The following PSG9 variants were observed in gnomAD, a reference collection of about 807,000 sequenced individuals.
The protein encoded by PSG9 is pregnancy specific beta-1-glycoprotein 9.
PSG9 carries 49 observed loss-of-function variants against 41.9 expected under a neutral mutation model. That is an observed-to-expected ratio of 1.17 (90% CI 0.93 to 1.48). PSG9 has a LOEUF of 1.48. Ranked by LOEUF, PSG9 falls within the 40% of genes most tolerant of loss-of-function variation. The pLI, the probability that PSG9 is intolerant of heterozygous loss-of-function variation, is 0.00. For missense variants in PSG9, 641 were observed against 520.3 expected (o/e 1.23, Z -2.26); for synonymous variants, 263 against 196.8 (o/e 1.34, Z -2.82).
In PSG9 at chr19:43,258,318, C is replaced by T. The variant is rs376168547; in HGVS notation, c.1127G>A (p.Gly376Glu). Reference sequence around the variant, plus strand: ...AATTTGGGGGATAAAGAGCTTTTGTCCTGATTGCTGAAACTTCCCATTAAT... The same window carrying T: ...AATTTGGGGGATAAAGAGCTTTTGTTCTGATTGCTGAAACTTCCCATTAAT... ...WTINGKFQQS[G>E]QKLFIPQITR... Residue 376 changes from glycine (G) to glutamate (E), a missense_variant, in exon 5 of 6, where the codon GGA becomes GAA. Transcript: ENST00000270077. The T allele has an allele frequency of 2.5e-6, 4 of 1,592,760 alleles. No homozygotes were observed. Among genetic ancestry groups the T allele is most frequent in the Non-Finnish European group, 3.4e-6 (4 of 1,174,542 alleles).
intron 1 of PSG9, 80 bp downstream of exon 1, chr19:43,269,288 C>T: frequency 6.2e-7 from 1 of 1,604,166 alleles, no homozygotes; most frequent in Non-Finnish European, 8.5e-7. Flanking sequence ...TTTTATTTTA[C>T]AACCCCATCC....
intron 5 of PSG9, among the ~76,000 whole-genome samples, chr19:43,254,635 A>T (rs1460218251): frequency 1.4e-5 from 2 of 146,584 alleles, no homozygotes; most frequent in Non-Finnish European, 3.0e-5. Flanking sequence ...GGGAAATAAT[A>T]AAGATTAGAG....
chr19:43,263,573 G>A lies in PSG9; in HGVS notation c.431-1435C>T, dbSNP rs534394404. ...TTGTCAGGAGTTTAGACCTCATGTTGTGTTCTGACTCTAGTAACAAAAAAA... is the reference window on the plus strand; with the variant it reads ...TTGTCAGGAGTTTAGACCTCATGTTATGTTCTGACTCTAGTAACAAAAAAA... On this transcript the variant is annotated intron_variant, in intron 2 of 5. Transcript: ENST00000270077. 4.7e-5 allele frequency among the ~76,000 whole-genome samples: 7 copies of A among 148,686 alleles called. No individual in the cohort carries two copies. The East Asian group carries it at 8.0e-4, about 17-fold the overall frequency.
Position 43,253,890 on chromosome 19 carries a change from T to G in PSG9, c.1244-244A>C, listed in dbSNP as rs904168761. Among the ~76,000 whole-genome samples the G allele has an allele frequency of 6.2e-5, 9 of 146,282 alleles. 1 individual carries two copies. Among genetic ancestry groups the G allele is most frequent in the East Asian group, 2.4e-4 (1 of 4,214 alleles). On this transcript the variant is annotated intron_variant, in intron 5 of 5. Transcript: ENST00000270077. The stretch of plus-strand genomic sequence containing the variant: ...TCACAGGAATCAGCTCTGCATAGTG[T>G]TCTGTGGGTTCTCCCATACTACCTT...
rs754881406 is a variant in PSG9, at chr19:43,267,837, T to C, written c.377A>G (p.Lys126Arg). 4 of 1,613,514 alleles carry C rather than the reference T, an allele frequency of 2.5e-6. No homozygotes were observed. The highest frequency in any genetic ancestry group is 3.4e-6 in the Non-Finnish European group (4 of 1,179,708). ...DAGTYTLHII[K>R]RGDETREEIR... ...TTCTTCTCTAGTCTCATCACCTCGC[T>C]TTATGATGTGTAAGGTGTAGGTTCC... is the stretch of plus-strand genomic sequence containing the variant. Residue 126 changes from lysine to arginine, a missense_variant, in exon 2 of 6, where the codon AAG becomes AGG. Transcript: ENST00000270077.
chr19:43,264,719 T>A (rs1476680890), intron 2 of PSG9, among the ~76,000 whole-genome samples: 1 of 152,218 alleles, frequency 6.6e-6, no homozygotes, highest in Non-Finnish European at 1.5e-5. Context: ...CCCAAAGTGC[T>A]GGGATTATAG....
chr19:43,268,079 A>C lies in PSG9; in HGVS notation c.135T>G (p.Val45=), dbSNP rs777799052. ...GTAGAAGAACATCCTTCCCCTCAGA[A>C]ACTTTGGGTGGCTGGGCTTCAATCG... ...EVTIEAQPPK[V]SEGKDVLLLV... is the part of the protein sequence containing the mutation. Residue 45 remains valine, a synonymous_variant, in exon 2 of 6, where the codon GTT becomes GTG. Coordinates refer to ENST00000270077, the MANE Select transcript of PSG9 (RefSeq NM_002784.5). 1 of 1,613,666 alleles carries C rather than the reference A, an allele frequency of 6.2e-7. No individual in the cohort carries two copies.
chr19:43,263,852 G>A (rs1341710287), intron 2 of PSG9, among the ~76,000 whole-genome samples: 1 of 152,086 alleles, frequency 6.6e-6, no homozygotes, highest in Non-Finnish European at 1.5e-5. Flanking sequence ...ATTACATAAA[G>A]GGAGGAAGGA....
chr19:43,257,975 C>G, intron 5 of PSG9: 2 of 1,464,410 alleles, frequency 1.4e-6, no homozygotes, highest in Admixed American at 2.6e-5. Flanking sequence ...GATAAAGCCC[C>G]CTCCCTACCT....
In PSG9 at chr19:43,257,436, T is replaced by A. The variant is rs895207577; in HGVS notation, c.1243+766A>T. 5 of 977,458 alleles carry A rather than the reference T, an allele frequency of 5.1e-6. 2 individuals are homozygous for A. In the African/African-American group the frequency reaches 9.2e-5, roughly 18 times the overall value. 60.5% of individuals were successfully genotyped at this position (977,458 alleles called of 1,614,324 possible). ...GAATAACCCCAACGGTGAATCTCCC[T>A]ATTCCTCCAGCTCTGCATCAGTCAC... On this transcript the variant is annotated intron_variant, in intron 5 of 5. Transcript: ENST00000270077.
At chr19:43,260,976 A>T (rs945865824) in intron 3 of PSG9, among the ~76,000 whole-genome samples, 5 of 152,144 alleles carry the variant, frequency 3.3e-5, no homozygotes, top group Non-Finnish European at 7.4e-5. Context: ...GTGAATTGAA[A>T]TCCTTTCCTT....
At position 43,259,031 on chromosome 19, in the gene PSG9, T is replaced by G. The variant is rs1207673704; in HGVS notation, c.814A>C (p.Ile272Leu). 1 of 1,590,750 alleles carries G rather than the reference T, an allele frequency of 6.3e-7. No homozygotes were observed. Among genetic ancestry groups the G allele is most frequent in the South Asian group, 1.1e-5 (1 of 89,848 alleles). ...AGGCTCTGACCGTTTAGCCACCAAA[T>G]GTAGGTGTAGTTCTCACTCTTAGGT... ...CEPKSENYTY[I>L]WWLNGQSLPV... The change falls in exon 4 of 6, where the codon ATT (isoleucine) becomes CTT (leucine). Residue 272 changes from isoleucine (I) to leucine (L), a missense_variant. Physicochemically the swap from Ile to Leu is conservative, Grantham distance 5. Transcript: ENST00000270077.
rs1969042042 is a variant in PSG9, at chr19:43,267,795, A to G, written c.419T>C (p.Phe140Ser). The G allele has an allele frequency of 1.9e-6, 3 of 1,612,854 alleles. No homozygotes were observed. In the East Asian group the frequency reaches 6.7e-5, roughly 36 times the overall value. Residue 140 changes from phenylalanine (F) to serine (S), a missense_variant, in exon 2 of 6, where the codon TTC (phenylalanine) becomes TCC (serine). By Grantham distance (155) the Phe-to-Ser change is radical (BLOSUM62 -2). Transcript: ENST00000270077. The part of the protein sequence containing the change: ...ETREEIRHFT[F>S]TLYLETPKPY... ...GTGGAATCACTCACAGTATAAGGTG[A>G]AGGTGAAATGTCGAATTTCTTCTCT...
chr19:43,260,950 T>G (rs935937960), intron 3 of PSG9, among the ~76,000 whole-genome samples: 2 of 152,176 alleles, frequency 1.3e-5, no homozygotes, highest in Non-Finnish European at 2.9e-5. Context: ...AATATTTTAT[T>G]CCTTTTGATG....
chr19:43,266,486 A>T (rs981451367), intron 2 of PSG9, among the ~76,000 whole-genome samples: 3 of 151,946 alleles, frequency 2.0e-5, no homozygotes, highest in Admixed American at 1.3e-4. Context: ...GGGGAAAGAA[A>T]ACAAGGTCCT....
chr19:43,260,586 T>A (rs1968664489), intron 3 of PSG9: 1 of 146,598 alleles, frequency 6.8e-6, no homozygotes, highest in Admixed American at 6.8e-5. Flanking sequence ...TTTTAAAGCT[T>A]TGGGATGTGA....
rs777400156 is a variant in PSG9 at position 43,267,747 on chromosome 19, T to G, written c.430+37A>C. 9.8e-5 allele frequency: 158 copies of G among 1,611,472 alleles called. 2 individuals carry two copies. Among genetic ancestry groups the G allele is most frequent in the South Asian group, 2.9e-4 (26 of 90,866 alleles). On this transcript the variant is annotated intron_variant, in intron 2 of 5. Transcript: ENST00000270077. ...TGTGTGTGAAGTAGAAATGACCCCT[T>G]CCCCCCAACACCCAGGGATCATGTG...
intron 2 of PSG9, among the ~76,000 whole-genome samples, chr19:43,264,488 C>T (rs746624490): frequency 2.6e-5 from 4 of 151,912 alleles, no homozygotes; most frequent in African/African-American, 4.8e-5. Flanking sequence ...GACAGAGTCT[C>T]GCTCTGTCAC....
chr19:43,262,310 T>C (rs1968763625), intron 2 of PSG9, among the ~76,000 whole-genome samples, 172 bp from the exon 3 acceptor site: 1 of 152,008 alleles, frequency 6.6e-6, no homozygotes, highest in Non-Finnish European at 1.5e-5. Flanking sequence ...AGCTCAGAGA[T>C]TGTGAGGCTG....
Sources: gnomAD v4.1 joint callset for allele counts (sites outside exome capture counted in the v4.1 genomes callset) on GRCh38, gnomAD v4.1.1 for gene constraint, MANE v1.5 for transcripts, NCBI Gene and HGNC (gene_info 2026-07-23, HGNC 2026-07-21) for gene names.